The following OCA2 variants were observed in gnomAD, a reference collection of about 807,000 sequenced individuals.
The protein encoded by OCA2 is OCA2 melanosomal transmembrane protein, also known as P protein.
Under a neutral mutation model 100.2 loss-of-function variants are expected in OCA2, and 77 were observed. That is an observed-to-expected ratio of 0.77 (90% CI 0.64 to 0.93). The LOEUF (loss-of-function observed/expected upper bound fraction) is 0.93. OCA2 is among the 40% of genes least tolerant of loss of function. OCA2 has a pLI of 0.00. For synonymous variants in OCA2, 432 were observed against 439.2 expected (o/e 0.98, Z 0.21); for missense variants, 1,062 against 1,089.1 (o/e 0.98, Z 0.35).
At chr15:28,019,545 G>A (rs1566805303) in intron 6 of OCA2, among the ~76,000 whole-genome samples, 2 of 152,120 alleles carry the variant, frequency 1.3e-5, no homozygotes, top group Admixed American at 6.5e-5. Context: ...GAGACACTGA[G>A]GTTCCGAAAG....
chr15:27,833,294 G>A (rs1360794919), intron 23 of OCA2, among the ~76,000 whole-genome samples: 2 of 152,240 alleles, frequency 1.3e-5, no homozygotes, highest in Non-Finnish European at 2.9e-5. Context: ...CAATCAATAT[G>A]CTATCGTGAC....
chr15:27,856,062 A>C (rs768545), intron 21 of OCA2, among the ~76,000 whole-genome samples: 119,584 of 152,132 alleles, frequency 0.79, 48,123 homozygotes, highest in East Asian at 1. Context: ...TCCTTGCCCC[A>C]CTGGTGTCTG....
intron 23 of OCA2, among the ~76,000 whole-genome samples, chr15:27,803,701 T>A (rs1341890779): frequency 6.6e-6 from 1 of 152,230 alleles, no homozygotes; most frequent in Non-Finnish European, 1.5e-5. Context: ...TTAATGCCAC[T>A]GAACTGAACG....
intron 19 of OCA2, among the ~76,000 whole-genome samples, chr15:27,891,270 G>A (rs1002034664): frequency 1.3e-5 from 2 of 152,058 alleles, no homozygotes; most frequent in Non-Finnish European, 2.9e-5. Flanking sequence ...GTAGTCCTCT[G>A]AGCAACCACT....
intron 1 of OCA2, among the ~76,000 whole-genome samples, chr15:28,091,755 A>G (rs1266513868): frequency 1.3e-5 from 2 of 152,182 alleles, no homozygotes; most frequent in African/African-American, 4.8e-5. Context: ...CAGGAGTTTG[A>G]GACCAGCCTG....
intron 23 of OCA2, among the ~76,000 whole-genome samples, chr15:27,771,096 TCCA>T (rs2031805509): frequency 7.2e-6 from 1 of 139,858 alleles, no homozygotes; most frequent in Non-Finnish European, 1.5e-5. Flanking sequence ...CTTTTCTCCC[TCCA>T]TTTTTTGCTT....
At chr15:27,824,621 T>TATATATATATATATATAA (rs1315693272) in intron 23 of OCA2, among the ~76,000 whole-genome samples, 2 of 124,150 alleles carry the variant, frequency 1.6e-5, no homozygotes, top group Non-Finnish European at 3.3e-5. Flanking sequence ...TATATATATA[T>TATATATATATATATATAA]AATATAATAT....
At chr15:27,878,768 T>C (rs2036891231) in intron 19 of OCA2, among the ~76,000 whole-genome samples, 1 of 152,216 alleles carries the variant, frequency 6.6e-6, no homozygotes, top group Non-Finnish European at 1.5e-5. Context: ...AATTCTGTCA[T>C]TACCTCTTCA....
At chr15:27,766,369 A>G (rs986902150) in intron 23 of OCA2, among the ~76,000 whole-genome samples, 2 of 152,070 alleles carry the variant, frequency 1.3e-5, no homozygotes, top group Non-Finnish European at 2.9e-5. Context: ...CTCTGAAAAG[A>G]ATGTGTGCTC....
At chr15:27,780,505 C>A (rs2032481833) in intron 23 of OCA2, among the ~76,000 whole-genome samples, 1 of 152,216 alleles carries the variant, frequency 6.6e-6, no homozygotes, top group African/African-American at 2.4e-5. Flanking sequence ...TCATGCCTGC[C>A]TGTCCCAACT....
At chr15:27,913,825 A>G (rs1380681046) in intron 19 of OCA2, among the ~76,000 whole-genome samples, 1 of 73,268 alleles carries the variant, frequency 1.4e-5, no homozygotes. Flanking sequence ...AGAGAAAGAA[A>G]GAAAGAAAGA....
intron 18 of OCA2, among the ~76,000 whole-genome samples, chr15:27,947,078 A>G (rs7170451): frequency 0.51 from 77,895 of 152,168 alleles, 24,725 homozygotes; most frequent in Non-Finnish European, 0.73. Flanking sequence ...ATGGCTGTCC[A>G]CACTTGGCTG....
At chr15:27,765,293 G>C (rs1173884568) in intron 23 of OCA2, among the ~76,000 whole-genome samples, 1 of 151,944 alleles carries the variant, frequency 6.6e-6, no homozygotes, top group African/African-American at 2.4e-5. Context: ...GCCTTTCCTG[G>C]GCCTTGAAGC....
intron 1 of OCA2, among the ~76,000 whole-genome samples, chr15:28,096,631 T>C (rs1171390844): frequency 1.3e-5 from 2 of 152,012 alleles, no homozygotes; most frequent in Non-Finnish European, 2.9e-5. Flanking sequence ...AGACCGCGAG[T>C]GTGACCGTAT....
intron 19 of OCA2, among the ~76,000 whole-genome samples, chr15:27,887,693 G>A (rs141317129): frequency 0.015 from 2,301 of 150,016 alleles, 51 homozygotes; most frequent in African/African-American, 0.049. Context: ...ACTAATACAG[G>A]AGCCCGGGAA....
At chr15:28,044,047 G>A (rs764054304) in intron 2 of OCA2, among the ~76,000 whole-genome samples, 11 of 152,194 alleles carry the variant, frequency 7.2e-5, no homozygotes, top group Non-Finnish European at 1.5e-4. Context: ...GTTATTGGAT[G>A]AAGCCTGAGC....
chr15:27,981,428 G>T (rs1032877816), intron 14 of OCA2, among the ~76,000 whole-genome samples: 2 of 152,112 alleles, frequency 1.3e-5, no homozygotes, highest in Non-Finnish European at 2.9e-5. Context: ...GAATATTTTT[G>T]TATCACTCTA....
Position 27,755,241 on chromosome 15 carries a change from T to C in OCA2, c.*147A>G, listed in dbSNP as rs981260733. ...ACATTCGCTTGAATTAGAGTGTTAG[T>C]GTCAAGGTCTATTCCACTGTGTCTC... On this transcript the variant is annotated 3_prime_UTR_variant, in exon 24 of 24. Coordinates refer to ENST00000354638, the MANE Select transcript of OCA2 (RefSeq NM_000275.3). 12 of 681,248 alleles carry C rather than the reference T, an allele frequency of 1.8e-5. No homozygotes were observed. The highest frequency in any genetic ancestry group is 2.6e-4 in the Middle Eastern group (1 of 3,884). The allele number at this position is 681,248 out of a possible 1,614,324, so 42.2% of individuals were successfully genotyped here.
chr15:27,756,319 G>T (rs1298376466), intron 23 of OCA2, among the ~76,000 whole-genome samples: 1 of 152,172 alleles, frequency 6.6e-6, no homozygotes, highest in Non-Finnish European at 1.5e-5. Context: ...GTAGGAAGAG[G>T]CTACTCAGAA....
Sources: allele counts gnomAD v4.1 joint callset (sites outside exome capture counted in the v4.1 genomes callset), GRCh38; gene constraint gnomAD v4.1.1; transcripts MANE v1.5; gene names NCBI Gene and HGNC (gene_info 2026-07-23, HGNC 2026-07-21).